SBF2: variants seen among roughly 807,000 people sequenced by gnomAD.
SBF2 encodes SET binding factor 2.
In SBF2, 112 loss-of-function variants were observed where a neutral mutation model predicts 225.2. The observed-to-expected ratio is 0.50, with a 90% CI of 0.43 to 0.58. SBF2 has a LOEUF of 0.58. SBF2 is among the 20% of genes least tolerant of loss of function. The probability of loss-of-function intolerance (pLI) is 0.00; values close to 1 mark genes in which losing one functional copy is unlikely to be tolerated. For synonymous variants in SBF2, 763 were observed against 773.3 expected (o/e 0.99, Z 0.22); for missense variants, 1,996 against 2,206.2 (o/e 0.90, Z 1.91).
At chr11:10,291,815 G>A (rs760598938) in intron 1 of SBF2, among the ~76,000 whole-genome samples, 4 of 152,136 alleles carry the variant, frequency 2.6e-5, no homozygotes, top group Admixed American at 6.5e-5. Context: ...GAGAAGCCTC[G>A]CAGATATTAC....
At chr11:10,009,840 C>G (rs1164755634) in intron 6 of SBF2, among the ~76,000 whole-genome samples, 1 of 151,764 alleles carries the variant, frequency 6.6e-6, no homozygotes, top group Non-Finnish European at 1.5e-5. Context: ...CACTGTCTTC[C>G]ACAATGGTTG....
At chr11:10,258,343 A>G (rs1373806760) in intron 1 of SBF2, among the ~76,000 whole-genome samples, 2 of 152,170 alleles carry the variant, frequency 1.3e-5, no homozygotes, top group African/African-American at 4.8e-5. Flanking sequence ...CCCAGCCTCA[A>G]ACAAACCTCC....
At chr11:9,827,621 C>T (rs1279916089) in intron 28 of SBF2, among the ~76,000 whole-genome samples, 1 of 152,054 alleles carries the variant, frequency 6.6e-6, no homozygotes, top group Non-Finnish European at 1.5e-5. Flanking sequence ...AAGTGGATGA[C>T]CTTTTGGAGC....
At chr11:10,075,292 G>A (rs1951051465) in intron 2 of SBF2, among the ~76,000 whole-genome samples, 1 of 152,194 alleles carries the variant, frequency 6.6e-6, no homozygotes, top group African/African-American at 2.4e-5. Context: ...AAACTGGTTA[G>A]CATTCTGCCT....
intron 16 of SBF2, among the ~76,000 whole-genome samples, chr11:9,905,629 G>T (rs1191019260): frequency 1.3e-5 from 2 of 152,176 alleles, no homozygotes; most frequent in African/African-American, 4.8e-5. Context: ...AGAGGACAAT[G>T]ATGTTCTTTT....
At chr11:9,982,372 A>C (rs1946995153) in intron 13 of SBF2, among the ~76,000 whole-genome samples, 1 of 152,200 alleles carries the variant, frequency 6.6e-6, no homozygotes, top group African/African-American at 2.4e-5. Flanking sequence ...ATTGTGACTA[A>C]CATGTTTTCA....
intron 2 of SBF2, among the ~76,000 whole-genome samples, chr11:10,088,563 G>A (rs2134901300): frequency 6.6e-6 from 1 of 152,276 alleles, no homozygotes; most frequent in East Asian, 1.9e-4. Flanking sequence ...GGTAGGGGAA[G>A]GGAAGCCAAC....
intron 2 of SBF2, among the ~76,000 whole-genome samples, chr11:10,156,742 C>A (rs550749158): frequency 1.5e-4 from 23 of 152,292 alleles, no homozygotes; most frequent in African/African-American, 5.5e-4. Flanking sequence ...AGAAGAACTA[C>A]AAACCACTGC....
rs770660788 is a variant in SBF2, at chr11:9,832,393, T to A, written c.3483A>T (p.Gln1161His). 1 of 1,613,750 alleles carries A rather than the reference T, an allele frequency of 6.2e-7. No individual in the cohort carries two copies. The highest frequency in any genetic ancestry group is 1.3e-5 in the African/African-American group (1 of 74,834). ...TTGGTAAACTACTGTCCTGTACAGC[T>A]TGAGGTACGACTAAAAGGCCAGGAT... ...RSYPGLLVVPQAVQDSSLPRV... is the reference protein window; with the variant it reads ...RSYPGLLVVPHAVQDSSLPRV... Residue 1161 changes from glutamine to histidine, a missense_variant, in exon 27 of 40, where the codon CAA becomes CAT. Gln to His is a conservative substitution (Grantham distance 24). Transcript: ENST00000256190.
chr11:10,293,470 A>T (rs148322571), intron 1 of SBF2, among the ~76,000 whole-genome samples: 3 of 152,290 alleles, frequency 2.0e-5, no homozygotes, highest in Non-Finnish European at 4.4e-5. Flanking sequence ...TAAAAGTGCA[A>T]AGAATCCTGT....
chr11:9,915,214 C>T (rs557392352), intron 16 of SBF2, among the ~76,000 whole-genome samples: 13 of 152,030 alleles, frequency 8.6e-5, no homozygotes, highest in Admixed American at 4.6e-4. Context: ...TTTGGGAGGC[C>T]GAGGCGGGCA....
Position 9,812,551 on chromosome 11 carries a change from T to G in SBF2, c.4136A>C (p.Asp1379Ala), listed in dbSNP as rs757803111. 6.2e-7 allele frequency: 1 copy of G among 1,614,162 alleles called. No homozygotes were observed. ...CATTACCTGTGGGAACCACTCAGAA[T>G]CTCCCAGCGCTTTCAGGAAGGTCAC... ...SEVTFLKALG[D>A]SEWFPQLHRI... Residue 1379 changes from aspartate (D) to alanine (A), a missense_variant, in exon 30 of 40, where the codon GAT becomes GCT. Transcript: ENST00000256190.
intron 2 of SBF2, among the ~76,000 whole-genome samples, chr11:10,149,809 A>G (rs1399424714): frequency 1.3e-5 from 2 of 152,274 alleles, no homozygotes; most frequent in African/African-American, 4.8e-5. Context: ...GTCACAATCA[A>G]TTTGGGACAG....
intron 22 of SBF2, 97 bp from the exon 23 acceptor site, chr11:9,847,180 AT>A: frequency 6.8e-7 from 1 of 1,465,606 alleles, no homozygotes; most frequent in African/African-American, 1.4e-5. Flanking sequence ...AGAGAAATGT[AT>A]TTGAAGAGGA....
chr11:10,029,274 A>G (rs1949164494), intron 5 of SBF2, among the ~76,000 whole-genome samples: 1 of 152,236 alleles, frequency 6.6e-6, no homozygotes, highest in East Asian at 1.9e-4. Context: ...GACAAATATG[A>G]AAATCTCAAG....
At chr11:9,970,294 C>T (rs1425786211) in intron 13 of SBF2, among the ~76,000 whole-genome samples, 1 of 151,898 alleles carries the variant, frequency 6.6e-6, no homozygotes, top group Non-Finnish European at 1.5e-5. Context: ...GCAAGCTCCA[C>T]CTCCCGGGTT....
intron 5 of SBF2, among the ~76,000 whole-genome samples, chr11:10,029,053 C>A (rs1382154193): frequency 6.6e-6 from 1 of 152,072 alleles, no homozygotes; most frequent in Non-Finnish European, 1.5e-5. Flanking sequence ...AAATGCCAAT[C>A]CCACTATAAG....
At chr11:9,923,554 CA>C (rs1863797670) in intron 16 of SBF2, among the ~76,000 whole-genome samples, 1 of 152,164 alleles carries the variant, frequency 6.6e-6, no homozygotes, top group East Asian at 1.9e-4. Flanking sequence ...TTTGAGTAAG[CA>C]ACCTTAAAGA....
intron 1 of SBF2, among the ~76,000 whole-genome samples, chr11:10,194,952 A>T (rs1957306145): frequency 6.6e-6 from 1 of 152,208 alleles, no homozygotes. Flanking sequence ...GAAATTTAAG[A>T]AGAACTTTTC....
Sources: gnomAD v4.1 joint callset for allele counts (sites outside exome capture counted in the v4.1 genomes callset) on GRCh38, gnomAD v4.1.1 for gene constraint, MANE v1.5 for transcripts, NCBI Gene and HGNC (gene_info 2026-07-23, HGNC 2026-07-21) for gene names.